Variants in CCDC148 observed in about 807,000 individuals in gnomAD.
CCDC148 encodes the protein coiled-coil domain containing 148.
CCDC148 carries 89 observed loss-of-function variants against 85.7 expected under a neutral mutation model. The ratio of observed to expected loss-of-function variants is 1.04; its 90% CI spans 0.87 to 1.24. CCDC148 has a LOEUF of 1.24. Ranked by LOEUF, CCDC148 falls within the 50% of genes most tolerant of loss-of-function variation. The pLI, the probability that CCDC148 is intolerant of heterozygous loss-of-function variation, is 0.00. For synonymous variants in CCDC148, 230 were observed against 213.9 expected, an observed-to-expected ratio of 1.08 and a Z score of -0.66; for missense variants, 692 against 671.7, an observed-to-expected ratio of 1.03 and a Z score of -0.33.
intron 10 of CCDC148, among the ~76,000 whole-genome samples, chr2:158,232,012 C>T (rs1190531066): frequency 6.6e-6 from 1 of 152,134 alleles, no homozygotes; most frequent in African/African-American, 2.4e-5. Context: ...ATTTTAAATG[C>T]ACTGATTGTT....
At chr2:158,415,823 T>C (rs941569927) in intron 1 of CCDC148, among the ~76,000 whole-genome samples, 1 of 152,202 alleles carries the variant, frequency 6.6e-6, no homozygotes, top group Admixed American at 6.5e-5. Flanking sequence ...GCCATACTGA[T>C]GTCTGGAGGA....
At chr2:158,443,198 G>T (rs983532173) in intron 1 of CCDC148, among the ~76,000 whole-genome samples, 1 of 151,976 alleles carries the variant, frequency 6.6e-6, no homozygotes, top group Non-Finnish European at 1.5e-5. Flanking sequence ...AGTCACTCAG[G>T]CACAGTGGCT....
intron 2 of CCDC148, among the ~76,000 whole-genome samples, chr2:158,347,375 C>A (rs980085980): frequency 6.6e-6 from 1 of 151,916 alleles, no homozygotes; most frequent in Non-Finnish European, 1.5e-5. Context: ...CTAGACAATT[C>A]CAATATTTTG....
chr2:158,276,390 C>T (rs1689944921), intron 9 of CCDC148, among the ~76,000 whole-genome samples: 1 of 152,092 alleles, frequency 6.6e-6, no homozygotes, highest in South Asian at 2.1e-4. Flanking sequence ...GCTGAGATCA[C>T]ACCACTGCAC....
intron 7 of CCDC148, among the ~76,000 whole-genome samples, chr2:158,323,711 T>C (rs1692624551): frequency 6.6e-6 from 1 of 152,162 alleles, no homozygotes; most frequent in Non-Finnish European, 1.5e-5. Flanking sequence ...CTATAGTTTC[T>C]TCATCTGTAA....
intron 2 of CCDC148, among the ~76,000 whole-genome samples, chr2:158,352,719 C>T (rs1215914440): frequency 6.6e-6 from 1 of 151,436 alleles, no homozygotes; most frequent in East Asian, 1.9e-4. Flanking sequence ...TCAGGAAATA[C>T]AGAGAACGCC....
chr2:158,420,596 A>G (rs1430027688), intron 1 of CCDC148, among the ~76,000 whole-genome samples: 1 of 152,186 alleles, frequency 6.6e-6, no homozygotes, highest in Non-Finnish European at 1.5e-5. Context: ...AGCATTAAAC[A>G]TGGAAAAGAA....
In CCDC148 at chr2:158,309,512, C is replaced by A. The variant is rs775799208; in HGVS notation, c.1031G>T (p.Cys344Phe). 3.1e-6 allele frequency: 5 copies of A among 1,614,006 alleles called. No individual in the cohort carries two copies. Among genetic ancestry groups the A allele is most frequent in the Non-Finnish European group, 4.2e-6 (5 of 1,179,978 alleles). Residue 344 changes from cysteine to phenylalanine, a missense_variant, in exon 9 of 14, where the codon TGT becomes TTT. Transcript: ENST00000283233. Reference sequence around the variant, plus strand: ...CATGCTCTCCATTTCATGTGTTGCACAAGCCTCAGTGAGTGTCAGCACAGC... The same window carrying A: ...CATGCTCTCCATTTCATGTGTTGCAAAAGCCTCAGTGAGTGTCAGCACAGC... ...QKAVLTLTEA[C>F]ATHEMESMLA...
At chr2:158,250,381 C>G (rs1169098557) in intron 10 of CCDC148, among the ~76,000 whole-genome samples, 1 of 151,930 alleles carries the variant, frequency 6.6e-6, no homozygotes, top group African/African-American at 2.4e-5. Flanking sequence ...ATATATTCTA[C>G]CAACAAGGAT....
rs904373478 is a variant in CCDC148 at position 158,366,023 on chromosome 2, C to A, written c.26-7453G>T. The A allele has an allele frequency of 2.6e-6, 4 of 1,537,858 alleles. No homozygotes were observed. The South Asian group carries it at 4.9e-5, about 19-fold the overall frequency. Reference sequence around the variant, plus strand: ...GAAGTAAGAAAAATACCTGAGCTATCATTTCTCTGAATTGTCATGAATGGT... The same window carrying A: ...GAAGTAAGAAAAATACCTGAGCTATAATTTCTCTGAATTGTCATGAATGGT... On this transcript the variant is annotated intron_variant, in intron 1 of 13. Coordinates refer to ENST00000283233, the MANE Select transcript of CCDC148 (RefSeq NM_138803.4).
At chr2:158,426,357 T>A (rs1687077459) in intron 1 of CCDC148, among the ~76,000 whole-genome samples, 1 of 152,124 alleles carries the variant, frequency 6.6e-6, no homozygotes. Context: ...AAATGCCGTG[T>A]GAGTTTAGAA....
intron 9 of CCDC148, among the ~76,000 whole-genome samples, chr2:158,275,869 C>A (rs1463614053): frequency 6.6e-6 from 1 of 152,000 alleles, no homozygotes; most frequent in East Asian, 1.9e-4. Context: ...CTTCTATGCA[C>A]ATCATCAGTA....
At chr2:158,266,086 C>T (rs949359900) in intron 9 of CCDC148, among the ~76,000 whole-genome samples, 5 of 152,148 alleles carry the variant, frequency 3.3e-5, no homozygotes, top group African/African-American at 7.2e-5. Context: ...TTCATATCCA[C>T]GCCTGACTAA....
chr2:158,276,785 C>T (rs532966311), intron 9 of CCDC148, among the ~76,000 whole-genome samples: 4 of 152,278 alleles, frequency 2.6e-5, no homozygotes, highest in South Asian at 4.1e-4. Context: ...AATTATGGTG[C>T]TGAAACAGAC....
At chr2:158,228,347 T>C (rs1306136049) in intron 10 of CCDC148, among the ~76,000 whole-genome samples, 1 of 152,180 alleles carries the variant, frequency 6.6e-6, no homozygotes, top group East Asian at 1.9e-4. Flanking sequence ...GGAACACTTT[T>C]ACACTGTTGG....
chr2:158,432,604 C>T (rs1687405510), intron 1 of CCDC148, among the ~76,000 whole-genome samples: 1 of 152,088 alleles, frequency 6.6e-6, no homozygotes, highest in African/African-American at 2.4e-5. Flanking sequence ...TAACAACTCC[C>T]TCAAAGAGAA....
chr2:158,436,411 A>C (rs1238140971), intron 1 of CCDC148, among the ~76,000 whole-genome samples: 1 of 152,220 alleles, frequency 6.6e-6, no homozygotes. Context: ...AGAAATAAAG[A>C]TGTTCTTTGA....
intron 9 of CCDC148, among the ~76,000 whole-genome samples, chr2:158,277,408 C>A (rs1323156038): frequency 6.6e-6 from 1 of 152,090 alleles, no homozygotes; most frequent in Non-Finnish European, 1.5e-5. Context: ...AATGTTTTGT[C>A]ATAGTCAAGG....
chr2:158,285,688 G>A (rs1455558449), intron 9 of CCDC148, among the ~76,000 whole-genome samples: 7 of 151,116 alleles, frequency 4.6e-5, no homozygotes, highest in South Asian at 4.2e-4. Flanking sequence ...CCACCACCAC[G>A]CCCGGCTAAT....
Sources: allele counts gnomAD v4.1 joint callset (sites outside exome capture counted in the v4.1 genomes callset), GRCh38; gene constraint gnomAD v4.1.1; transcripts MANE v1.5; gene names NCBI Gene and HGNC (gene_info 2026-07-23, HGNC 2026-07-21).